The following NAPEPLD variants were observed in gnomAD, a reference collection of about 807,000 sequenced individuals.
The protein encoded by NAPEPLD is N-acyl phosphatidylethanolamine phospholipase D.
In NAPEPLD, 23 loss-of-function variants were observed where a neutral mutation model predicts 38.1. That is an observed-to-expected ratio of 0.60 (90% CI 0.43 to 0.86). NAPEPLD has a LOEUF of 0.86. NAPEPLD is among the 40% of genes least tolerant of loss of function. The pLI is 0.00. For missense variants in NAPEPLD, 411 were observed against 476.8 expected (o/e 0.86, Z 1.28); for synonymous variants, 147 against 162.0 (o/e 0.91, Z 0.71).
At chr7:103,113,684 G>A (rs1476551043) in intron 4 of NAPEPLD, among the ~76,000 whole-genome samples, 4 of 147,936 alleles carry the variant, frequency 2.7e-5, no homozygotes, top group African/African-American at 1.0e-4. Context: ...AGGCTGGAAG[G>A]AAGTGCCGTA....
upstream of NAPEPLD, chr7:103,149,472 G>T: frequency 2.4e-6 from 3 of 1,264,206 alleles, no homozygotes; most frequent in Non-Finnish European, 3.1e-6. Context: ...AGCTCTCGCC[G>T]CCTCGCCATC....
At chr7:103,145,506 C>A (rs1404466926) in intron 1 of NAPEPLD, among the ~76,000 whole-genome samples, 1 of 152,168 alleles carries the variant, frequency 6.6e-6, no homozygotes, top group East Asian at 1.9e-4. Context: ...GGTGGAAAAG[C>A]CTAATTTCAA....
chr7:103,128,637 T>C lies in NAPEPLD; in HGVS notation c.140A>G (p.Asp47Gly), dbSNP rs1281204715. 2 of 1,614,194 alleles carry C rather than the reference T, an allele frequency of 1.2e-6. No homozygotes were observed. The highest frequency in any genetic ancestry group is 2.2e-5 in the South Asian group (2 of 91,082). The change falls in exon 2 of 5, where the codon GAT becomes GGT. Residue 47 changes from aspartate to glycine, a missense_variant. Coordinates refer to ENST00000465647, the MANE Select transcript of NAPEPLD (RefSeq NM_001122838.3). ...SRFSRKSFKL[D>G]YRLEEDVTKS... is the part of the protein sequence containing the mutation. ...AGTTACATCTTCTTCTAGTCTATAA[T>C]CCAGTTTGAAGCTTTTCCTAGAAAA...
At chr7:103,109,005 A>G (rs1309039551) in intron 4 of NAPEPLD, among the ~76,000 whole-genome samples, 1 of 152,238 alleles carries the variant, frequency 6.6e-6, no homozygotes, top group Admixed American at 6.5e-5. Context: ...AGGGCATTAC[A>G]TAATGGTAAA....
At chr7:103,106,676 C>T (rs778649318) in intron 4 of NAPEPLD, among the ~76,000 whole-genome samples, 2 of 151,960 alleles carry the variant, frequency 1.3e-5, no homozygotes, top group Admixed American at 6.5e-5. Context: ...TCAGCAAGGC[C>T]GCTGCAGCCA....
intron 1 of NAPEPLD, among the ~76,000 whole-genome samples, chr7:103,144,604 T>A (rs1233587478): frequency 6.6e-6 from 1 of 151,974 alleles, no homozygotes. Context: ...TAACATGTTA[T>A]CTTTCAAGCT....
At chr7:103,140,164 A>G (rs758857369) in intron 1 of NAPEPLD, among the ~76,000 whole-genome samples, 1 of 152,166 alleles carries the variant, frequency 6.6e-6, no homozygotes, top group African/African-American at 2.4e-5. Context: ...CACACAGTAC[A>G]TAGTAAGCAC....
chr7:103,123,886 G>A (rs1807216992), intron 2 of NAPEPLD, among the ~76,000 whole-genome samples: 1 of 152,152 alleles, frequency 6.6e-6, no homozygotes, highest in South Asian at 2.1e-4. Context: ...AACTTTTGGG[G>A]ATAATATATA....
intron 4 of NAPEPLD, 86 bp downstream of exon 4, chr7:103,114,974 T>G (rs1016369139): frequency 1.0e-6 from 1 of 960,222 alleles, no homozygotes. Flanking sequence ...TTCCAGAGTC[T>G]TGGGTCTGAA....
chr7:103,119,895 C>G lies in NAPEPLD; in HGVS notation c.623G>C (p.Arg208Thr), dbSNP rs1253454087. 3.1e-6 allele frequency: 5 copies of G among 1,614,100 alleles called. No individual in the cohort carries two copies. The highest frequency in any genetic ancestry group is 4.2e-6 in the Non-Finnish European group (5 of 1,180,058). ...AAGGAGACCCAAAGGCACAAACCAT[C>G]TCAACTCATTACCAAATCGCTCATT... ...ALNERFGNEL[R>T]WFVPLGLLDW... Residue 208 changes from arginine to threonine, a missense_variant, in exon 3 of 5, where the codon AGA becomes ACA. Transcript: ENST00000465647.
At chr7:103,124,897 A>G (rs950553258) in intron 2 of NAPEPLD, among the ~76,000 whole-genome samples, 31 of 152,318 alleles carry the variant, frequency 2.0e-4, no homozygotes, top group Admixed American at 1.3e-4. Flanking sequence ...CCTCTCTTTC[A>G]CTAAGCCATG....
chr7:103,142,377 A>G (rs1309949421), intron 1 of NAPEPLD, among the ~76,000 whole-genome samples: 2 of 152,148 alleles, frequency 1.3e-5, no homozygotes, highest in African/African-American at 4.8e-5. Context: ...AGGCCGAGGC[A>G]GGTGGATCAT....
At chr7:103,122,945 A>G (rs1807014943) in intron 2 of NAPEPLD, among the ~76,000 whole-genome samples, 2 of 152,196 alleles carry the variant, frequency 1.3e-5, no homozygotes, top group African/African-American at 4.8e-5. Context: ...TGCCTGACAA[A>G]GTCTGTCTCA....
intron 1 of NAPEPLD, among the ~76,000 whole-genome samples, chr7:103,129,461 T>C (rs1364094853): frequency 6.6e-6 from 1 of 152,202 alleles, no homozygotes; most frequent in Non-Finnish European, 1.5e-5. Flanking sequence ...TTAGAAAACA[T>C]TATTGTTAAC....
chr7:103,104,985 G>A lies in NAPEPLD; in HGVS notation c.1057-1431C>T, dbSNP rs115034287. 4.8e-3 allele frequency among the ~76,000 whole-genome samples: 736 copies of A among 152,280 alleles called. 6 individuals carry two copies. The highest frequency in any genetic ancestry group is 0.017 in the African/African-American group (692 of 41,556). Reference sequence around the variant, plus strand: ...AAGCTATAACTTTAGTGTGGAGGGCGATGTTTGCGTTTAGTGAGAATTCTG... The same window carrying A: ...AAGCTATAACTTTAGTGTGGAGGGCAATGTTTGCGTTTAGTGAGAATTCTG... On this transcript the variant is annotated intron_variant, in intron 4 of 4. Coordinates refer to ENST00000465647, the MANE Select transcript of NAPEPLD (RefSeq NM_001122838.3).
chr7:103,100,176 C>G lies in NAPEPLD; in HGVS notation c.*3253G>C, dbSNP rs1802196439. 1 of 152,154 alleles carries G rather than the reference C, an allele frequency of 6.6e-6. No homozygotes were observed. The highest frequency in any genetic ancestry group is 1.5e-5 in the Non-Finnish European group (1 of 68,026). 9.4% of individuals were successfully genotyped at this position (152,154 alleles called of 1,614,324 possible). A position where few individuals can be genotyped will look rare whatever the true frequency, so the allele number is the denominator to read the frequency against. ...CTCAGTATAAGGTGAAAACAAAATT[C>G]CCAGTGGGCTAGACATGAACAAAAG... On this transcript the variant is annotated 3_prime_UTR_variant, in exon 5 of 5. Coordinates refer to ENST00000465647, the MANE Select transcript of NAPEPLD (RefSeq NM_001122838.3).
rs1267232113 is a variant in NAPEPLD, at chr7:103,103,392, A to G, written c.*37T>C. 1 of 1,523,902 alleles carries G rather than the reference A, an allele frequency of 6.6e-7. No homozygotes were observed. Among genetic ancestry groups the G allele is most frequent in the Non-Finnish European group, 8.8e-7 (1 of 1,138,462 alleles). 94.4% of individuals were successfully genotyped at this position (1,523,902 alleles called of 1,614,324 possible). On this transcript the variant is annotated 3_prime_UTR_variant, in exon 5 of 5. Coordinates refer to ENST00000465647, the MANE Select transcript of NAPEPLD (RefSeq NM_001122838.3). ...TTTCATTTGTTTTTAAACTTAGATGATGCCTTTTTCATTAAAAGTGCCTGT... is the reference window on the plus strand; with the variant it reads ...TTTCATTTGTTTTTAAACTTAGATGGTGCCTTTTTCATTAAAAGTGCCTGT...
chr7:103,146,435 G>C (rs781587728), intron 1 of NAPEPLD, among the ~76,000 whole-genome samples: 4 of 152,146 alleles, frequency 2.6e-5, no homozygotes, highest in Non-Finnish European at 4.4e-5. Context: ...AATTGAGAGA[G>C]ATTACAAAAT....
chr7:103,120,343 T>C, intron 2 of NAPEPLD, 120 bp from the exon 3 acceptor site: 1 of 1,033,596 alleles, frequency 9.7e-7, no homozygotes, highest in Non-Finnish European at 1.4e-6. Context: ...ACTAAAGTCA[T>C]TCAATAAACT....
Sources: allele counts gnomAD v4.1 joint callset (sites outside exome capture counted in the v4.1 genomes callset), GRCh38; gene constraint gnomAD v4.1.1; transcripts MANE v1.5; gene names NCBI Gene and HGNC (gene_info 2026-07-23, HGNC 2026-07-21).